Variants in CSMD1 observed in about 807,000 individuals in gnomAD.
CSMD1 encodes the protein CUB and Sushi multiple domains 1.
Under a neutral mutation model 417.5 loss-of-function variants are expected in CSMD1, and 213 were observed. That is an observed-to-expected ratio of 0.51 (90% CI 0.46 to 0.57). The LOEUF (loss-of-function observed/expected upper bound fraction) is 0.57. Ranked by LOEUF, CSMD1 falls within the 20% of genes least tolerant of loss-of-function variation. CSMD1 has a pLI of 0.00. For synonymous variants in CSMD1, 2,862 were observed against 1,736.8 expected (o/e 1.65, Z -16.11); for missense variants, 6,923 against 4,529.7 (o/e 1.53, Z -15.17).
At chr8:2,950,848 C>G (rs1485983504) in intron 66 of CSMD1, among the ~76,000 whole-genome samples, 1 of 152,142 alleles carries the variant, frequency 6.6e-6, no homozygotes, top group East Asian at 1.9e-4. Context: ...CATGCAGTAT[C>G]TGTATACGAA....
intron 29 of CSMD1, among the ~76,000 whole-genome samples, chr8:3,217,937 T>C (rs1015696272): frequency 5.3e-5 from 8 of 152,180 alleles, no homozygotes; most frequent in Admixed American, 5.2e-4. Context: ...CTCCTAACTG[T>C]GAATTGATAT....
At chr8:3,749,826 A>G (rs1160353833) in intron 6 of CSMD1, among the ~76,000 whole-genome samples, 1 of 151,492 alleles carries the variant, frequency 6.6e-6, no homozygotes. Context: ...TATTACTTCT[A>G]TGGTTAATGA....
intron 3 of CSMD1, among the ~76,000 whole-genome samples, chr8:4,159,194 G>A (rs1398266359): frequency 1.3e-5 from 2 of 152,118 alleles, no homozygotes; most frequent in Admixed American, 1.3e-4. Context: ...GGGATTACAG[G>A]CATGAGCCAC....
At chr8:4,209,870 A>T (rs1166044847) in intron 3 of CSMD1, among the ~76,000 whole-genome samples, 2 of 152,126 alleles carry the variant, frequency 1.3e-5, no homozygotes, top group Non-Finnish European at 2.9e-5. Context: ...AAATTTCTAG[A>T]ATGTAGGTGG....
chr8:4,898,997 T>C (rs1020056366), intron 1 of CSMD1, among the ~76,000 whole-genome samples: 4 of 152,130 alleles, frequency 2.6e-5, no homozygotes, highest in Admixed American at 6.5e-5. Flanking sequence ...TACTTAAAAA[T>C]AGAAAAGTGA....
At chr8:3,587,412 T>C (rs1368957723) in intron 8 of CSMD1, among the ~76,000 whole-genome samples, 1 of 152,156 alleles carries the variant, frequency 6.6e-6, no homozygotes. Context: ...GGGTTGATGT[T>C]GAGGAAACAG....
intron 3 of CSMD1, among the ~76,000 whole-genome samples, chr8:4,206,051 C>T (rs537397622): frequency 6.6e-6 from 1 of 152,170 alleles, no homozygotes; most frequent in Non-Finnish European, 1.5e-5. Context: ...ATAAATCTTC[C>T]CTGGATCCAT....
At chr8:3,392,397 G>C (rs983478923) in intron 17 of CSMD1, among the ~76,000 whole-genome samples, 1 of 152,152 alleles carries the variant, frequency 6.6e-6, no homozygotes, top group Admixed American at 6.5e-5. Flanking sequence ...CTTGGCTTCA[G>C]AACCTATTTT....
intron 3 of CSMD1, among the ~76,000 whole-genome samples, chr8:4,215,282 T>C (rs1800596171): frequency 6.6e-6 from 1 of 152,224 alleles, no homozygotes; most frequent in Admixed American, 6.5e-5. Flanking sequence ...GTACTTTTCA[T>C]AATATTCATC....
intron 5 of CSMD1, among the ~76,000 whole-genome samples, chr8:3,947,664 G>C (rs771118186): frequency 2.6e-5 from 4 of 152,148 alleles, no homozygotes; most frequent in Non-Finnish European, 5.9e-5. Flanking sequence ...GTTTAATTAT[G>C]TTGTGATAAG....
intron 1 of CSMD1, among the ~76,000 whole-genome samples, chr8:4,660,610 A>C (rs560894767): frequency 6.6e-6 from 1 of 152,258 alleles, no homozygotes; most frequent in South Asian, 2.1e-4. Flanking sequence ...CTATAAAATA[A>C]AAAATATTAT....
At position 3,387,600 on chromosome 8, in the gene CSMD1, C is replaced by T; in HGVS notation, c.2676G>A (p.Arg892=). The part of the protein sequence containing the change: ...GHRHGGDFGI[R]STVTFSCDPG... ...GGTCACAGCTGAAAGTCACTGTGGA[C>T]CTGATGCCAAAGTCTCCACCGTGGC... is the stretch of plus-strand genomic sequence containing the variant. Residue 892 remains arginine (R), a synonymous_variant, in exon 18 of 70, where the codon AGG becomes AGA. Coordinates refer to ENST00000635120, the MANE Select transcript of CSMD1 (RefSeq NM_033225.6). 1 of 1,601,624 alleles carries T rather than the reference C, an allele frequency of 6.2e-7. No homozygotes were observed. The highest frequency in any genetic ancestry group is 2.3e-5 in the East Asian group (1 of 44,284).
intron 2 of CSMD1, among the ~76,000 whole-genome samples, chr8:4,538,550 G>C (rs543137939): frequency 6.6e-6 from 1 of 152,056 alleles, no homozygotes; most frequent in African/African-American, 2.4e-5. Context: ...GGCTGAGGCA[G>C]GAGAATCGCT....
intron 1 of CSMD1, among the ~76,000 whole-genome samples, chr8:4,933,943 T>C (rs1807426340): frequency 6.6e-6 from 1 of 152,136 alleles, no homozygotes. Context: ...AGAATCACAA[T>C]GTATTCATCT....
intron 6 of CSMD1, among the ~76,000 whole-genome samples, chr8:3,748,988 T>C (rs1454607225): frequency 1.3e-5 from 2 of 152,220 alleles, no homozygotes; most frequent in African/African-American, 4.8e-5. Flanking sequence ...TCAATGGGAA[T>C]TTCATTTTAT....
At chr8:3,966,287 C>T (rs1343322133) in intron 5 of CSMD1, among the ~76,000 whole-genome samples, 1 of 152,112 alleles carries the variant, frequency 6.6e-6, no homozygotes, top group Non-Finnish European at 1.5e-5. Flanking sequence ...TGCAGAGGGG[C>T]TTGGACAGTA....
At chr8:4,695,854 C>T (rs1330352137) in intron 1 of CSMD1, among the ~76,000 whole-genome samples, 4 of 152,202 alleles carry the variant, frequency 2.6e-5, no homozygotes, top group African/African-American at 9.6e-5. Context: ...ATCATCTAGA[C>T]TGGTGGCCCA....
At chr8:2,949,565 A>C (rs1802485595) in intron 67 of CSMD1, among the ~76,000 whole-genome samples, 179 bp from the exon 68 acceptor site, 1 of 152,210 alleles carries the variant, frequency 6.6e-6, no homozygotes, top group South Asian at 2.1e-4. Context: ...TCAGAAACCA[A>C]CACAGAAGTG....
At chr8:3,364,305 CT>C (rs1457829340) in intron 20 of CSMD1, among the ~76,000 whole-genome samples, 2 of 152,116 alleles carry the variant, frequency 1.3e-5, no homozygotes, top group African/African-American at 4.8e-5. Flanking sequence ...AAAGTGTTGT[CT>C]TTTGTTTTTA....
Sources: allele counts gnomAD v4.1 joint callset (sites outside exome capture counted in the v4.1 genomes callset), GRCh38; gene constraint gnomAD v4.1.1; transcripts MANE v1.5; gene names NCBI Gene and HGNC (gene_info 2026-07-23, HGNC 2026-07-21).